Variants in KAZN observed in about 807,000 individuals in gnomAD.
KAZN encodes the protein kazrin, periplakin interacting protein.
KAZN carries 40 observed loss-of-function variants against 87.4 expected under a neutral mutation model. The observed-to-expected ratio is 0.46, with a 90% CI of 0.36 to 0.60. The LOEUF (loss-of-function observed/expected upper bound fraction) is 0.60, where lower values mean the gene tolerates loss of function less well. Ranked by LOEUF, KAZN falls within the 20% of genes least tolerant of loss-of-function variation. KAZN has a pLI of 0.00. For missense variants in KAZN, 898 were observed against 1,073.9 expected (o/e 0.84, Z 2.29); for synonymous variants, 466 against 458.3 (o/e 1.02, Z -0.22).
At chr1:14,044,915 G>T (rs867761545) in intron 1 of KAZN, among the ~76,000 whole-genome samples, 1 of 152,176 alleles carries the variant, frequency 6.6e-6, no homozygotes, top group African/African-American at 2.4e-5. Context: ...TTCTGCCGGG[G>T]TAGATCAGAC....
chr1:14,965,898 T>A (rs911921184), intron 2 of KAZN, among the ~76,000 whole-genome samples: 2 of 152,144 alleles, frequency 1.3e-5, no homozygotes, highest in African/African-American at 4.8e-5. Flanking sequence ...TATGTAAATC[T>A]TTAGTAATTT....
intron 2 of KAZN, among the ~76,000 whole-genome samples, chr1:14,188,817 A>G (rs561956170): frequency 5.3e-5 from 8 of 152,150 alleles, no homozygotes; most frequent in Non-Finnish European, 8.8e-5. Flanking sequence ...ATTTTTTTCC[A>G]CCACAATTGA....
intron 2 of KAZN, among the ~76,000 whole-genome samples, chr1:14,395,599 C>T (rs1362769673): frequency 6.6e-6 from 1 of 152,048 alleles, no homozygotes; most frequent in Non-Finnish European, 1.5e-5. Context: ...ATTTACTTAC[C>T]CCGACACCTC....
chr1:14,346,211 G>A (rs1658096056), intron 2 of KAZN, among the ~76,000 whole-genome samples: 1 of 152,120 alleles, frequency 6.6e-6, no homozygotes, highest in Non-Finnish European at 1.5e-5. Flanking sequence ...ACATGAAAAT[G>A]CACAAGACTC....
At chr1:14,948,264 T>C (rs1026714217) in intron 1 of KAZN, among the ~76,000 whole-genome samples, 1 of 152,236 alleles carries the variant, frequency 6.6e-6, no homozygotes, top group African/African-American at 2.4e-5. Context: ...GGATAGGATC[T>C]GGCTTCAGGT....
At chr1:14,924,597 GGCGGGCGGC>G in intron 1 of KAZN, 1 of 1,009,140 alleles carries the variant, frequency 9.9e-7, no homozygotes, top group Non-Finnish European at 1.2e-6. Context: ...GGCGGGGCGG[GGCGGGCGGC>G]GCGGACACAG....
chr1:14,774,654 T>C (rs1366127347), intron 1 of KAZN, among the ~76,000 whole-genome samples: 1 of 152,038 alleles, frequency 6.6e-6, no homozygotes, highest in African/African-American at 2.4e-5. Flanking sequence ...GTTAACATTT[T>C]AAAATTTTTT....
intron 1 of KAZN, among the ~76,000 whole-genome samples, chr1:14,761,113 C>G (rs1405841770): frequency 1.3e-5 from 2 of 152,154 alleles, no homozygotes; most frequent in Non-Finnish European, 2.9e-5. Context: ...TTCTGACCCA[C>G]TCCTCTCCCC....
At chr1:14,886,901 T>C (rs78478772) in intron 1 of KAZN, among the ~76,000 whole-genome samples, 2,002 of 152,326 alleles carry the variant, frequency 0.013, 44 homozygotes, top group African/African-American at 0.045. Flanking sequence ...AAGAGCTCCA[T>C]AGGACAGGCA....
Position 14,996,719 on chromosome 1 carries a change from G to A in KAZN, c.418+35844G>A, listed in dbSNP as rs576211752. Among the ~76,000 whole-genome samples the A allele has an allele frequency of 5.9e-5, 9 of 152,214 alleles. No individual in the cohort carries two copies. Among genetic ancestry groups the A allele is most frequent in the South Asian group, 2.1e-4 (1 of 4,820 alleles). ...CGAGGGCCATTCTTCCCTCACTGCCGGCCTCTCCCAGTCCCCAGGAGAAAG... is the reference window on the plus strand; with the variant it reads ...CGAGGGCCATTCTTCCCTCACTGCCAGCCTCTCCCAGTCCCCAGGAGAAAG... On this transcript the variant is annotated intron_variant, in intron 2 of 14. Coordinates refer to ENST00000376030, the MANE Select transcript of KAZN (RefSeq NM_201628.3). This position sits in a 1 kb window ranked among gnomAD's most constrained non-coding sequence, Gnocchi z 5.9.
intron 2 of KAZN, among the ~76,000 whole-genome samples, chr1:14,239,725 G>C (rs1032114125): frequency 1.3e-5 from 2 of 151,874 alleles, no homozygotes; most frequent in Non-Finnish European, 2.9e-5. Context: ...CTCCCAAAGT[G>C]CTGGGATTAC....
chr1:14,226,657 C>T (rs1647319114), intron 2 of KAZN, among the ~76,000 whole-genome samples: 1 of 152,172 alleles, frequency 6.6e-6, no homozygotes, highest in African/African-American at 2.4e-5. Context: ...AACCTGGATT[C>T]CCATCAACAG....
At chr1:14,534,950 C>A (rs1296157597) in intron 2 of KAZN, among the ~76,000 whole-genome samples, 1 of 152,166 alleles carries the variant, frequency 6.6e-6, no homozygotes, top group Non-Finnish European at 1.5e-5. Flanking sequence ...TTCATACCAG[C>A]CATATCTTGA....
chr1:13,941,479 C>T (rs1186066065), intron 1 of KAZN, among the ~76,000 whole-genome samples: 1 of 152,176 alleles, frequency 6.6e-6, no homozygotes, highest in Non-Finnish European at 1.5e-5. Flanking sequence ...TTACCTCTCA[C>T]ATCAGTAACC....
Position 14,186,693 on chromosome 1 carries a change from A to G in KAZN, c.249+6101A>G, listed in dbSNP as rs140835414. Among the ~76,000 whole-genome samples the G allele has an allele frequency of 6.1e-3, 934 of 152,212 alleles. 5 individuals are homozygous for G. Among genetic ancestry groups the G allele is most frequent in the African/African-American group, 0.021 (883 of 41,516 alleles). Reference sequence around the variant, plus strand: ...TCGCCATGACTGTGAGCAAGTGCAGACTGGTATTATTACCACAAGGAAGAG... The same window carrying G: ...TCGCCATGACTGTGAGCAAGTGCAGGCTGGTATTATTACCACAAGGAAGAG... On this transcript the variant is annotated intron_variant, in intron 2 of 16. Coordinates refer to the KAZN transcript ENST00000636203.
chr1:14,872,214 TTTC>T (rs1230387653), intron 1 of KAZN, among the ~76,000 whole-genome samples: 1 of 152,160 alleles, frequency 6.6e-6, no homozygotes, highest in African/African-American at 2.4e-5. Flanking sequence ...CTGGGTTTGT[TTTC>T]TTGTCTGCAA....
At chr1:14,804,636 T>A (rs1646145966) in intron 1 of KAZN, among the ~76,000 whole-genome samples, 1 of 152,188 alleles carries the variant, frequency 6.6e-6, no homozygotes, top group South Asian at 2.1e-4. Context: ...TCCTCAGCTT[T>A]GCAATGGAAA....
At chr1:13,939,559 T>C (rs1191283950) in intron 1 of KAZN, among the ~76,000 whole-genome samples, 1 of 152,220 alleles carries the variant, frequency 6.6e-6, no homozygotes, top group Non-Finnish European at 1.5e-5. Context: ...TCTTTCTGTC[T>C]TCTTCTGAGC....
intron 13 of KAZN, 176 bp from the exon 14 acceptor site, chr1:15,112,250 AC>A (rs1423985983): frequency 1.7e-6 from 1 of 601,562 alleles, no homozygotes; most frequent in African/African-American, 1.9e-5. Flanking sequence ...TGTGAGAATC[AC>A]GCTTATAAAG....
Sources: gnomAD v4.1 joint callset for allele counts (sites outside exome capture counted in the v4.1 genomes callset) on GRCh38, gnomAD v4.1.1 for gene constraint, Gnocchi (gnomAD v3.1) non-coding constraint, MANE v1.5 for transcripts, NCBI Gene and HGNC (gene_info 2026-07-23, HGNC 2026-07-21) for gene names.